The following FGF3 variants were observed in gnomAD, a reference collection of about 807,000 sequenced individuals.
The protein encoded by FGF3 is fibroblast growth factor 3.
In FGF3, 7 loss-of-function variants were observed where a neutral mutation model predicts 9.8. That is an observed-to-expected ratio of 0.72 (90% CI 0.41 to 1.35). The LOEUF (loss-of-function observed/expected upper bound fraction) is 1.35. Among genes scored for constraint, FGF3 ranks in the 40% most tolerant of loss-of-function variants. The pLI, the probability that FGF3 is intolerant of heterozygous loss-of-function variation, is 0.01. For missense variants in FGF3, 390 were observed against 345.6 expected (o/e 1.13, Z -1.02); for synonymous variants, 173 against 157.2 (o/e 1.10, Z -0.75).
chr11:69,814,938 C>T (rs1856101845), intron 2 of FGF3, among the ~76,000 whole-genome samples: 1 of 152,248 alleles, frequency 6.6e-6, no homozygotes, highest in African/African-American at 2.4e-5. Flanking sequence ...AAGCTGGCAC[C>T]ATGAGGGCCC....
chr11:69,816,003 C>A (rs1384134070), intron 2 of FGF3, among the ~76,000 whole-genome samples: 1 of 152,168 alleles, frequency 6.6e-6, no homozygotes, highest in Non-Finnish European at 1.5e-5. Flanking sequence ...ATTTGGAGAA[C>A]AATCACTTCC....
In FGF3 at chr11:69,818,855, G is replaced by T. The variant is rs1554981421; in HGVS notation, c.79C>A (p.Arg27Ser). ...ACGCCGCCACGGCCGCCCGCATCGC[G>T]CCGCAACCGCGCCCCAGGGCCCGCT... Reference protein sequence around the residue: ...PAAGPGARLRRDAGGRGGVYE... With the variant: ...PAAGPGARLRSDAGGRGGVYE... The change falls in exon 1 of 3, where the codon CGC (arginine) becomes AGC (serine). Residue 27 changes from arginine (R) to serine (S), a missense_variant. Arg to Ser is a moderately radical substitution (Grantham distance 110, BLOSUM62 -1). Coordinates refer to ENST00000334134, the MANE Select transcript of FGF3 (RefSeq NM_005247.4). The T allele has an allele frequency of 1.4e-6, 2 of 1,466,068 alleles. No individual in the cohort carries two copies. Among genetic ancestry groups the T allele is most frequent in the Admixed American group, 2.5e-5 (1 of 40,600 alleles). 90.8% of individuals were successfully genotyped at this position (1,466,068 alleles called of 1,614,324 possible).
chr11:69,816,250 T>A, intron 2 of FGF3, 70 bp downstream of exon 2: 14 of 1,193,116 alleles, frequency 1.2e-5, no homozygotes, highest in Non-Finnish European at 1.8e-5. Flanking sequence ...ACATCCCCCG[T>A]CCCCTGGCTT....
At chr11:69,817,804 C>A (rs1267551698) in intron 1 of FGF3, among the ~76,000 whole-genome samples, 1 of 152,236 alleles carries the variant, frequency 6.6e-6, no homozygotes. Context: ...CCCACGCGGT[C>A]CTCCCGGGCC....
Position 69,819,050 on chromosome 11 carries a change from G to T in FGF3, c.-117C>A. The T allele has an allele frequency of 1.8e-6, 1 of 561,568 alleles. No homozygotes were observed. The highest frequency in any genetic ancestry group is 2.9e-6 in the Non-Finnish European group (1 of 347,256). The allele number at this position is 561,568 out of a possible 1,614,324, so 34.8% of individuals were successfully genotyped here. ...GGAGCGGGATCCCGCGCCTGGAGAT[G>T]CTGACTCCGGCTTCGCGGGAAAGGT... On this transcript the variant is annotated 5_prime_UTR_variant, in exon 1 of 3. Transcript: ENST00000334134.
At chr11:69,817,276 G>A (rs1856149681) in intron 1 of FGF3, among the ~76,000 whole-genome samples, 1 of 152,154 alleles carries the variant, frequency 6.6e-6, no homozygotes, top group Non-Finnish European at 1.5e-5. Flanking sequence ...CGCCCTCCTG[G>A]CACGCGGTCC....
intron 2 of FGF3, 64 bp downstream of exon 2, chr11:69,816,255 TG>T: frequency 7.9e-7 from 1 of 1,263,228 alleles, no homozygotes; most frequent in South Asian, 1.2e-5. Context: ...CCCCGTCCCC[TG>T]GCTTGATGTG....
chr11:69,818,991 G>A lies in FGF3; in HGVS notation c.-58C>T. 4.1e-6 allele frequency: 5 copies of A among 1,205,682 alleles called. No individual in the cohort carries two copies. The East Asian group carries it at 1.2e-4, about 30-fold the overall frequency. The allele number at this position is 1,205,682 out of a possible 1,614,324, so 74.7% of individuals were successfully genotyped here. On this transcript the variant is annotated 5_prime_UTR_variant, in exon 1 of 3. Coordinates refer to ENST00000334134, the MANE Select transcript of FGF3 (RefSeq NM_005247.4). The stretch of plus-strand genomic sequence containing the variant: ...GCTGCAGGCGAGCGCGGCGCCCATG[G>A]AAGGGGCGGCAGCCGGACAGCTGCG...
At position 69,816,170 on chromosome 11, in the gene FGF3, G is replaced by T. The variant is rs529431055; in HGVS notation, c.324+150C>A. ...CAGACACAGCCAAAGATCACTGGGC[G>T]TGGAGCCCTGGGCCAGGGTCTGGTC... On this transcript the variant is annotated intron_variant, in intron 2 of 2. Coordinates refer to ENST00000334134, the MANE Select transcript of FGF3 (RefSeq NM_005247.4). 4 of 719,626 alleles carry T rather than the reference G, an allele frequency of 5.6e-6. No homozygotes were observed. In the East Asian group the frequency reaches 1.1e-4, roughly 19 times the overall value. 44.6% of individuals were successfully genotyped at this position (719,626 alleles called of 1,614,324 possible). A position where few individuals can be genotyped will look rare whatever the true frequency, so the allele number is the denominator to read the frequency against.
intron 2 of FGF3, among the ~76,000 whole-genome samples, chr11:69,813,494 G>T (rs1477190960): frequency 6.6e-6 from 1 of 152,236 alleles, no homozygotes; most frequent in Non-Finnish European, 1.5e-5. Context: ...GCAACACATG[G>T]TAAGTGCCCA....
chr11:69,814,000 CGGA>C (rs1856086983), intron 2 of FGF3, among the ~76,000 whole-genome samples: 1 of 150,490 alleles, frequency 6.6e-6, no homozygotes, highest in Non-Finnish European at 1.5e-5. Context: ...GGAGCATGGA[CGGA>C]TGGACATGTG....
At chr11:69,815,305 G>A (rs1856111030) in intron 2 of FGF3, among the ~76,000 whole-genome samples, 1 of 151,836 alleles carries the variant, frequency 6.6e-6, no homozygotes, top group African/African-American at 2.4e-5. Flanking sequence ...TGAGTGGATG[G>A]ATGGATGGGT....
At chr11:69,818,628 C>T in intron 1 of FGF3, 86 bp downstream of exon 1, 3 of 1,069,570 alleles carry the variant, frequency 2.8e-6, no homozygotes, top group East Asian at 3.3e-5. Flanking sequence ...GCCGCCTCCC[C>T]CGCGGGGCCC....
chr11:69,813,944 GTGGA>G (rs1565115202), intron 2 of FGF3, among the ~76,000 whole-genome samples: 3 of 147,622 alleles, frequency 2.0e-5, no homozygotes, highest in African/African-American at 7.5e-5. Context: ...GGGTTGATGG[GTGGA>G]TGGGTGGATG....
rs1554981373 is a variant in FGF3 at position 69,818,696 on chromosome 11, G to A, written c.220+18C>T. On this transcript the variant is annotated intron_variant, in intron 1 of 2. Coordinates refer to ENST00000334134, the MANE Select transcript of FGF3 (RefSeq NM_005247.4). ...CCGGCGCCGCTTCCCCCGGGGCCCC[G>A]CAGCGTCCGGCACTCACTGTAGGCG... 5 of 1,457,340 alleles carry A rather than the reference G, an allele frequency of 3.4e-6. No individual in the cohort carries two copies. Among genetic ancestry groups the A allele is most frequent in the Non-Finnish European group, 2.7e-6 (3 of 1,108,552 alleles). 90.3% of individuals were successfully genotyped at this position (1,457,340 alleles called of 1,614,324 possible).
chr11:69,816,215 C>G (rs1405774438), intron 2 of FGF3, 105 bp downstream of exon 2: 1 of 912,250 alleles, frequency 1.1e-6, no homozygotes, highest in South Asian at 1.3e-5. Flanking sequence ...GTCCCGTGTA[C>G]CCTTGGCAAA....
rs368732520 is a variant in FGF3 at position 69,816,301 on chromosome 11, C to T, written c.324+19G>A. The T allele has an allele frequency of 3.5e-5, 56 of 1,591,428 alleles. No individual in the cohort carries two copies. The highest frequency in any genetic ancestry group is 6.7e-5 in the Admixed American group (4 of 59,996). On this transcript the variant is annotated intron_variant, in intron 2 of 2. Transcript: ENST00000334134. ...CCGCTACTCCGTCAGCGCCCACCCACGTGACAGCCTGGACTCACCGAAGCA... is the reference window on the plus strand; with the variant it reads ...CCGCTACTCCGTCAGCGCCCACCCATGTGACAGCCTGGACTCACCGAAGCA...
Position 69,819,019 on chromosome 11 carries a change from G to A in FGF3, c.-86C>T. On this transcript the variant is annotated 5_prime_UTR_variant, in exon 1 of 3. Transcript: ENST00000334134. ...GGGGCGGCAGCCGGACAGCTGCGAG[G>A]TGCTCGGAGCGGGATCCCGCGCCTG... 2 of 898,634 alleles carry A rather than the reference G, an allele frequency of 2.2e-6. No individual in the cohort carries two copies. The highest frequency in any genetic ancestry group is 2.0e-5 in the South Asian group (1 of 50,212). 55.7% of individuals were successfully genotyped at this position (898,634 alleles called of 1,614,324 possible).
Position 69,810,112 on chromosome 11 carries a change from G to A in FGF3, c.*193C>T. ...CACAGACCCACAAATGCCCTGCATT[G>A]CAGGCAGCCCCCTCCGAGCTCCGAC... On this transcript the variant is annotated 3_prime_UTR_variant, in exon 3 of 3. Coordinates refer to ENST00000334134, the MANE Select transcript of FGF3 (RefSeq NM_005247.4). 3.5e-6 allele frequency: 2 copies of A among 569,654 alleles called. No individual in the cohort carries two copies. 35.3% of individuals were successfully genotyped at this position (569,654 alleles called of 1,614,324 possible).
Sources: allele counts gnomAD v4.1 joint callset (sites outside exome capture counted in the v4.1 genomes callset), GRCh38; gene constraint gnomAD v4.1.1; transcripts MANE v1.5; gene names NCBI Gene and HGNC (gene_info 2026-07-23, HGNC 2026-07-21).